The following BMP1 variants were observed in gnomAD, a reference collection of about 807,000 sequenced individuals.
The protein encoded by BMP1 is bone morphogenetic protein 1, also known as mammalian tolloid protein.
In BMP1, 63 loss-of-function variants were observed where a neutral mutation model predicts 116.8. The ratio of observed to expected loss-of-function variants is 0.54; its 90% CI spans 0.44 to 0.67. The LOEUF is 0.67. BMP1 is among the 30% of genes least tolerant of loss of function. BMP1 has a pLI of 0.00. For missense variants in BMP1, 1,183 were observed against 1,358.9 expected, an observed-to-expected ratio of 0.87 and a Z score of 2.04; for synonymous variants, 536 against 533.4, an observed-to-expected ratio of 1.00 and a Z score of -0.07.
chr8:22,202,494 C>T (rs533408680), intron 16 of BMP1, among the ~76,000 whole-genome samples: 14 of 152,356 alleles, frequency 9.2e-5, no homozygotes, highest in African/African-American at 3.1e-4. Flanking sequence ...ACTTATAACC[C>T]CTGGGGATGG....
rs761599705 is a variant in BMP1, at chr8:22,177,919, C to T, written c.798C>T (p.Phe266=). 19 of 1,613,550 alleles carry T rather than the reference C, an allele frequency of 1.2e-5. No individual in the cohort carries two copies. In the East Asian group the frequency reaches 3.1e-4, roughly 27 times the overall value. The stretch of plus-strand genomic sequence containing the variant: ...AGTCCCTGGGGGAGACCTATGACTT[C>T]GACAGCATCATGCATTACGCTCGGA... ...EVESLGETYD[F]DSIMHYARNT... Residue 266 remains phenylalanine (F), a synonymous_variant, in exon 6 of 20, where the codon TTC becomes TTT. Coordinates refer to ENST00000306385, the MANE Select transcript of BMP1 (RefSeq NM_006129.5).
At position 22,194,755 on chromosome 8, in the gene BMP1, A is replaced by C. The variant is rs1473581708; in HGVS notation, c.1475A>C (p.Tyr492Ser). The C allele has an allele frequency of 1.2e-6, 2 of 1,612,676 alleles. No homozygotes were observed. The highest frequency in any genetic ancestry group is 1.3e-5 in the African/African-American group (1 of 74,982). Residue 492 changes from tyrosine to serine, a missense_variant, in exon 12 of 20, where the codon TAT becomes TCT. By Grantham distance (144) the Tyr-to-Ser change is moderately radical (BLOSUM62 -2). This residue lies in a region of BMP1 where 956 missense variants were observed against 1,135.2 expected (regional missense o/e 0.84). Transcript: ENST00000306385. This position sits in a 1 kb window ranked among gnomAD's most constrained non-coding sequence, Gnocchi z 4.5. ...IERHDSCAYD[Y>S]LEVRDGHSES... ...CGCCACGACAGCTGTGCCTACGACT[A>C]TCTGGAGGTGCGCGACGGGCACAGT...
At chr8:22,211,143 C>G (rs1359272971) in intron 19 of BMP1, among the ~76,000 whole-genome samples, 1 of 152,252 alleles carries the variant, frequency 6.6e-6, no homozygotes, top group Non-Finnish European at 1.5e-5. Flanking sequence ...AGAGAAGTGG[C>G]TGTGCCGTCT....
At chr8:22,211,565 C>A in intron 19 of BMP1, 29 bp from the exon 20 acceptor site, 1 of 1,613,806 alleles carries the variant, frequency 6.2e-7, no homozygotes, top group Non-Finnish European at 8.5e-7. Flanking sequence ...CCTCTTCCTC[C>A]ACCTTACCCC....
At chr8:22,166,660 G>A (rs1828122433) in intron 1 of BMP1, among the ~76,000 whole-genome samples, 1 of 152,222 alleles carries the variant, frequency 6.6e-6, no homozygotes, top group Non-Finnish European at 1.5e-5. Context: ...AGGGGCGGAG[G>A]GGCAGGTTGC....
At chr8:22,200,870 T>C (rs1829239944) in intron 15 of BMP1, among the ~76,000 whole-genome samples, 1 of 152,150 alleles carries the variant, frequency 6.6e-6, no homozygotes, top group Admixed American at 6.5e-5. Context: ...CCTCCAGGCC[T>C]TCTCCTGCCA....
rs57781366 is a variant in BMP1 at position 22,174,627 on chromosome 8, CTT to C, written c.262+934_262+935del. Among the ~76,000 whole-genome samples, 240 of 106,262 alleles carry C rather than the reference CTT, an allele frequency of 2.3e-3. 1 individual carries two copies. Among genetic ancestry groups the C allele is most frequent in the Middle Eastern group, 6.1e-3 (1 of 164 alleles). 69.7% of individuals were successfully genotyped at this position (106,262 alleles called of 152,430 possible). A position where few individuals can be genotyped will look rare whatever the true frequency, so the allele number is the denominator to read the frequency against. The stretch of plus-strand genomic sequence containing the variant: ...GGGATTCTTTCTTCTTTTTTTCTGT[CTT>C]TTTTTTTTTTTTTTTTTTTTTGAGA... On this transcript the variant is annotated intron_variant, in intron 2 of 19. Coordinates refer to ENST00000306385, the MANE Select transcript of BMP1 (RefSeq NM_006129.5).
rs367603688 is a variant in BMP1, at chr8:22,177,930, T to C, written c.809T>C (p.Met270Thr). Residue 270 changes from methionine (M) to threonine (T), a missense_variant, in exon 6 of 20, where the codon ATG (methionine) becomes ACG (threonine). Physicochemically the swap from Met to Thr is moderately conservative, Grantham distance 81 (BLOSUM62 -1). Transcript: ENST00000306385. The part of the protein sequence containing the change: ...LGETYDFDSI[M>T]HYARNTFSRG... The stretch of plus-strand genomic sequence containing the variant: ...GAGACCTATGACTTCGACAGCATCA[T>C]GCATTACGCTCGGAACACATTCTCC... The C allele has an allele frequency of 3.2e-5, 51 of 1,613,098 alleles. No individual in the cohort carries two copies. The highest frequency in any genetic ancestry group is 4.2e-5 in the Non-Finnish European group (49 of 1,179,340).
At chr8:22,208,779 T>C (rs1829410111) in intron 18 of BMP1, among the ~76,000 whole-genome samples, 2 of 152,184 alleles carry the variant, frequency 1.3e-5, no homozygotes, top group South Asian at 4.1e-4. Context: ...TCCCCAGAGC[T>C]GATGGTCCAC....
intron 16 of BMP1, among the ~76,000 whole-genome samples, chr8:22,203,829 T>G (rs1829304717): frequency 6.6e-6 from 1 of 152,192 alleles, no homozygotes; most frequent in Non-Finnish European, 1.5e-5. Context: ...AGAGGGGACC[T>G]TATACTGATA....
At chr8:22,173,938 C>G (rs1484099936) in intron 2 of BMP1, among the ~76,000 whole-genome samples, 2 of 152,240 alleles carry the variant, frequency 1.3e-5, no homozygotes, top group East Asian at 3.8e-4. Context: ...TTTTTGTTTA[C>G]AGTTTAAAAA....
At chr8:22,199,163 A>C in intron 15 of BMP1, 1 of 1,367,592 alleles carries the variant, frequency 7.3e-7, no homozygotes, top group Non-Finnish European at 9.8e-7. Context: ...ACACATGTGC[A>C]CACACATTGC....
In BMP1 at chr8:22,180,209, G is replaced by C. The variant is rs908246927; in HGVS notation, c.962-159G>C. ...ATGGCGTGTGCTATATGTGAGGTAG[G>C]GGGGTGGATCTTATAGGGGCAGGAC... On this transcript the variant is annotated intron_variant, in intron 7 of 19. Transcript: ENST00000306385. Among the ~76,000 whole-genome samples, 7 of 152,184 alleles carry C rather than the reference G, an allele frequency of 4.6e-5. No homozygotes were observed. The South Asian group carries it at 6.2e-4, about 14-fold the overall frequency.
At chr8:22,189,566 T>C (rs116825679) in intron 8 of BMP1, among the ~76,000 whole-genome samples, 1 of 151,812 alleles carries the variant, frequency 6.6e-6, no homozygotes, top group Non-Finnish European at 1.5e-5. Flanking sequence ...TCCTAGGCTC[T>C]GGGGATCCTC....
intron 15 of BMP1, among the ~76,000 whole-genome samples, 186 bp downstream of exon 15, chr8:22,197,606 T>A (rs531521090): frequency 6.6e-6 from 1 of 152,250 alleles, no homozygotes; most frequent in South Asian, 2.1e-4. Flanking sequence ...ATCTCATTAT[T>A]CCTGAGCCCT....
Position 22,179,929 on chromosome 8 carries a change from CTT to C in BMP1, c.961+101_961+102del. On this transcript the variant is annotated intron_variant, in intron 7 of 19. Coordinates refer to ENST00000306385, the MANE Select transcript of BMP1 (RefSeq NM_006129.5). This position sits in a 1 kb window ranked among gnomAD's most constrained non-coding sequence, Gnocchi z 4.6. ...CACCAAGAAGGCTTAGGCTGCAAGTCTTAGAGAATGGTGTGGCGGGGGAGGGG... is the reference window on the plus strand; with the variant it reads ...CACCAAGAAGGCTTAGGCTGCAAGTCAGAGAATGGTGTGGCGGGGGAGGGG... 3.8e-6 allele frequency: 5 copies of C among 1,308,508 alleles called. No homozygotes were observed. Among genetic ancestry groups the C allele is most frequent in the Non-Finnish European group, 3.1e-6 (3 of 955,508 alleles). 81.1% of individuals were successfully genotyped at this position (1,308,508 alleles called of 1,614,324 possible). A position where few individuals can be genotyped will look rare whatever the true frequency, so the allele number is the denominator to read the frequency against.
chr8:22,172,701 C>T (rs1032773664), intron 1 of BMP1, among the ~76,000 whole-genome samples: 3 of 149,120 alleles, frequency 2.0e-5, no homozygotes, highest in African/African-American at 5.0e-5. Flanking sequence ...CAGCCTTGAC[C>T]TCCTGGGTTC....
intron 8 of BMP1, 77 bp downstream of exon 8, chr8:22,180,560 G>T: frequency 7.5e-7 from 1 of 1,324,624 alleles, no homozygotes; most frequent in Non-Finnish European, 1.1e-6. Flanking sequence ...CCACAGTGGG[G>T]GTCAATATGG....
intron 2 of BMP1, among the ~76,000 whole-genome samples, chr8:22,175,883 C>T (rs1439931908): frequency 1.3e-5 from 2 of 152,140 alleles, no homozygotes; most frequent in African/African-American, 2.4e-5. Flanking sequence ...CAATGAGAGC[C>T]GAAAGCAGAA....
Sources: allele counts gnomAD v4.1 joint callset (sites outside exome capture counted in the v4.1 genomes callset), GRCh38; gene constraint gnomAD v4.1.1; regional missense constraint gnomAD v4.1.1; non-coding constraint Gnocchi (gnomAD v3.1); transcripts MANE v1.5; gene names NCBI Gene and HGNC (gene_info 2026-07-23, HGNC 2026-07-21).